The following PLEKHA8 variants were observed in gnomAD, a reference collection of about 807,000 sequenced individuals.
PLEKHA8 encodes pleckstrin homology domain-containing family A member 8.
Under a neutral mutation model 68.2 loss-of-function variants are expected in PLEKHA8, and 36 were observed. The observed-to-expected ratio is 0.53, with a 90% CI of 0.40 to 0.70. The LOEUF is 0.70. Ranked by LOEUF, PLEKHA8 falls within the 30% of genes least tolerant of loss-of-function variation. PLEKHA8 has a pLI of 0.00. For missense variants in PLEKHA8, 505 were observed against 615.4 expected, an observed-to-expected ratio of 0.82 and a Z score of 1.90; for synonymous variants, 211 against 216.1, an observed-to-expected ratio of 0.98 and a Z score of 0.20.
At chr7:30,061,490 T>C (rs559240645) in intron 10 of PLEKHA8, among the ~76,000 whole-genome samples, 1 of 152,340 alleles carries the variant, frequency 6.6e-6, no homozygotes, top group South Asian at 2.1e-4. Context: ...TTTTTGTCAT[T>C]GGAGACTAGT....
At chr7:30,044,760 T>C (rs1334679246) in intron 1 of PLEKHA8, among the ~76,000 whole-genome samples, 1 of 152,230 alleles carries the variant, frequency 6.6e-6, no homozygotes, top group Non-Finnish European at 1.5e-5. Context: ...TGGTACTGTA[T>C]TAGGAAAGAA....
intron 13 of PLEKHA8, among the ~76,000 whole-genome samples, chr7:30,128,544 C>T (rs977092159): frequency 5.3e-5 from 8 of 152,094 alleles, no homozygotes; most frequent in Non-Finnish European, 1.5e-5. Context: ...ATTTCTTTCT[C>T]GCTGTCTACT....
At chr7:30,065,427 C>T (rs144153399) in intron 12 of PLEKHA8, among the ~76,000 whole-genome samples, 3 of 152,072 alleles carry the variant, frequency 2.0e-5, no homozygotes, top group East Asian at 3.9e-4. Context: ...CCCACCCTCC[C>T]CTCCCACAGA....
chr7:30,086,917 G>A (rs1337768385), downstream of PLEKHA8, among the ~76,000 whole-genome samples: 1 of 152,166 alleles, frequency 6.6e-6, no homozygotes, highest in African/African-American at 2.4e-5. Flanking sequence ...ACAAAATAGA[G>A]ATAACCACCT....
chr7:30,081,495 TG>T lies in PLEKHA8; in HGVS notation c.*2709del, dbSNP rs1562538146. ...TTTTAGTTAAAGTCATAATTTGCGC[TG>T]ATGTGTAATCACTTTCCAAGAAGAG... On this transcript the variant is annotated 3_prime_UTR_variant, in exon 14 of 14. Transcript: ENST00000449726. 1.0e-6 allele frequency: 1 copy of T among 985,196 alleles called. No individual in the cohort carries two copies. The highest frequency in any genetic ancestry group is 1.7e-5 in the African/African-American group (1 of 57,242). 61.0% of individuals were successfully genotyped at this position (985,196 alleles called of 1,614,324 possible).
At chr7:30,088,237 TC>T (rs1795256903), downstream of PLEKHA8, among the ~76,000 whole-genome samples, 1 of 152,242 alleles carries the variant, frequency 6.6e-6, no homozygotes, top group African/African-American at 2.4e-5. Flanking sequence ...TTATATTTTG[TC>T]TTTGCTAATG....
Position 30,046,353 on chromosome 7 carries a change from C to G in PLEKHA8, c.301C>G (p.Gln101Glu). The change falls in exon 3 of 14, where the codon CAG (glutamine) becomes GAG (glutamate). Residue 101 changes from glutamine (Q) to glutamate (E), a missense_variant. Physicochemically the swap from Gln to Glu is conservative, Grantham distance 29 (BLOSUM62 2). Transcript: ENST00000449726. ...GGCTTGCCTGACTGACAGTAGGACC[C>G]AGAAGGAGAAAGGCAAGTACTGATT... ...AKACLTDSRT[Q>E]KEKEFAENTE... 1 of 1,607,532 alleles carries G rather than the reference C, an allele frequency of 6.2e-7. No homozygotes were observed. Among genetic ancestry groups the G allele is most frequent in the Non-Finnish European group, 8.5e-7 (1 of 1,177,204 alleles).
downstream of PLEKHA8, among the ~76,000 whole-genome samples, chr7:30,088,500 C>T (rs550120751): frequency 1.3e-5 from 2 of 152,252 alleles, no homozygotes; most frequent in East Asian, 3.9e-4. Context: ...ATTTGCAGCC[C>T]AGAGTGAGAA....
downstream of PLEKHA8, among the ~76,000 whole-genome samples, chr7:30,086,296 A>G (rs1795179281): frequency 6.6e-6 from 1 of 152,214 alleles, no homozygotes; most frequent in African/African-American, 2.4e-5. Flanking sequence ...GATCTTTCTC[A>G]TAATGGCTTC....
intron 13 of PLEKHA8, among the ~76,000 whole-genome samples, chr7:30,116,682 T>C (rs138535727): frequency 6.6e-6 from 1 of 152,350 alleles, no homozygotes; most frequent in East Asian, 1.9e-4. Context: ...ATGATTTTCA[T>C]TGACTGTTCT....
Position 30,081,031 on chromosome 7 carries a change from G to T in PLEKHA8, c.*2244G>T, listed in dbSNP as rs1222890377. ...GAGGTAGCACTCTGAAAATACCTCA[G>T]GTTTGCCACCGCAACTCTGAATACA... is the stretch of plus-strand genomic sequence containing the variant. On this transcript the variant is annotated 3_prime_UTR_variant, in exon 14 of 14. Transcript: ENST00000449726. 56 of 985,300 alleles carry T rather than the reference G, an allele frequency of 5.7e-5. No homozygotes were observed. The highest frequency in any genetic ancestry group is 6.6e-5 in the Non-Finnish European group (55 of 829,912). 61.0% of individuals were successfully genotyped at this position (985,300 alleles called of 1,614,324 possible).
intron 13 of PLEKHA8, among the ~76,000 whole-genome samples, chr7:30,104,592 G>C (rs1174412140): frequency 6.6e-6 from 1 of 151,932 alleles, no homozygotes; most frequent in Non-Finnish European, 1.5e-5. Context: ...ATAGTGCATA[G>C]TGTCTTATTC....
intron 5 of PLEKHA8, among the ~76,000 whole-genome samples, 176 bp from the exon 6 acceptor site, chr7:30,050,258 G>A (rs1792298362): frequency 6.6e-6 from 1 of 152,144 alleles, no homozygotes; most frequent in African/African-American, 2.4e-5. Context: ...AAATAAGAAG[G>A]ACTAGTTGGA....
At position 30,052,857 on chromosome 7, in the gene PLEKHA8, A is replaced by AT. The variant is rs1457308029; in HGVS notation, c.787_788insT (p.Asn263IlefsTer7). The AT allele has an allele frequency of 6.4e-7, 1 of 1,573,072 alleles. No individual in the cohort carries two copies. The highest frequency in any genetic ancestry group is 8.6e-7 in the Non-Finnish European group (1 of 1,168,674). ...ATCAAGTGAGGAAAATACAGATGAT[A>AT]ATATAACAGGTAAAAACAAAAGTAA... is the stretch of plus-strand genomic sequence containing the variant. On this transcript the variant is annotated frameshift_variant, in exon 7 of 14. Transcript: ENST00000449726. LOFTEE classifies it high-confidence loss of function.
At chr7:30,108,274 G>T (rs1160654422) in intron 13 of PLEKHA8, among the ~76,000 whole-genome samples, 2 of 151,864 alleles carry the variant, frequency 1.3e-5, no homozygotes, top group Non-Finnish European at 2.9e-5. Flanking sequence ...TAGGATTTTT[G>T]CATCTATATT....
In PLEKHA8 at chr7:30,035,707, C is replaced by T. The variant is rs1280957886; in HGVS notation, c.40+6905C>T. Among the ~76,000 whole-genome samples the T allele has an allele frequency of 6.6e-5, 10 of 152,162 alleles. No homozygotes were observed. In the South Asian group the frequency reaches 1.5e-3, roughly 22 times the overall value. ...TCGCCCAGGCTGGAGTGCAGTGGCA[C>T]AATGTCGGCTCACTGCAACCTTCGC... On this transcript the variant is annotated intron_variant, in intron 1 of 13. Transcript: ENST00000449726.
At chr7:30,056,306 C>CTATATATATA (rs1215690448) in intron 9 of PLEKHA8, among the ~76,000 whole-genome samples, 1 of 90,232 alleles carries the variant, frequency 1.1e-5, no homozygotes, top group African/African-American at 3.8e-5. Flanking sequence ...CTCTCTCTCT[C>CTATATATATA]TCTCTCTATA....
At chr7:30,070,177 G>A (rs1200123310) in intron 12 of PLEKHA8, among the ~76,000 whole-genome samples, 1 of 150,504 alleles carries the variant, frequency 6.6e-6, no homozygotes, top group African/African-American at 2.4e-5. Context: ...GTTTTAAATT[G>A]CAGCAATGAT....
At position 30,028,810 on chromosome 7, in the gene PLEKHA8, G is replaced by T. The variant is rs1255172233; in HGVS notation, c.40+8G>T. On this transcript the variant is annotated splice_region_variant and intron_variant, in intron 1 of 13. Coordinates refer to ENST00000449726, the MANE Select transcript of PLEKHA8 (RefSeq NM_001197026.2). Reference sequence around the variant, plus strand: ...GGACCAACTATCTGAGCGGTGAGTGGCCGTGCCGGGCCGGGGGCGCGCCGG... The same window carrying T: ...GGACCAACTATCTGAGCGGTGAGTGTCCGTGCCGGGCCGGGGGCGCGCCGG... 2.4e-6 allele frequency: 3 copies of T among 1,264,848 alleles called. No homozygotes were observed. The highest frequency in any genetic ancestry group is 2.0e-6 in the Non-Finnish European group (2 of 999,566). The allele number at this position is 1,264,848 out of a possible 1,614,324, so 78.4% of individuals were successfully genotyped here. A position where few individuals can be genotyped will look rare whatever the true frequency, so the allele number is the denominator to read the frequency against.
Sources: gnomAD v4.1 joint callset for allele counts (sites outside exome capture counted in the v4.1 genomes callset) on GRCh38, gnomAD v4.1.1 for gene constraint, MANE v1.5 for transcripts, NCBI Gene and HGNC (gene_info 2026-07-23, HGNC 2026-07-21) for gene names.